Variants in CNTNAP2 observed in about 807,000 individuals in gnomAD.
CNTNAP2 encodes the protein contactin-associated protein-like 2.
A neutral mutation model predicts 155.2 loss-of-function variants in CNTNAP2; 98 were observed. That is an observed-to-expected ratio of 0.63 (90% CI 0.54 to 0.75). The LOEUF is 0.75. Ranked by LOEUF, CNTNAP2 falls within the 30% of genes least tolerant of loss-of-function variation. CNTNAP2 has a pLI of 0.00. For synonymous variants in CNTNAP2, 651 were observed against 631.2 expected, an observed-to-expected ratio of 1.03 and a Z score of -0.47; for missense variants, 1,727 against 1,688.1, an observed-to-expected ratio of 1.02 and a Z score of -0.40.
At position 148,220,282 on chromosome 7, in the gene CNTNAP2, T is replaced by C. The variant is rs551640144; in HGVS notation, c.3247+2758T>C. ...AACGCCCGGCTAATTTTTTGTAATTTTAGTAGAGATGGGGTTTCACCGTGT... is the reference window on the plus strand; with the variant it reads ...AACGCCCGGCTAATTTTTTGTAATTCTAGTAGAGATGGGGTTTCACCGTGT... On this transcript the variant is annotated intron_variant, in intron 19 of 23. Coordinates refer to ENST00000361727, the MANE Select transcript of CNTNAP2 (RefSeq NM_014141.6). Among the ~76,000 whole-genome samples, 5 of 152,268 alleles carry C rather than the reference T, an allele frequency of 3.3e-5. No homozygotes were observed. The South Asian group carries it at 1.0e-3, about 32-fold the overall frequency.
At chr7:147,691,106 G>A (rs558599850) in intron 13 of CNTNAP2, among the ~76,000 whole-genome samples, 3 of 152,068 alleles carry the variant, frequency 2.0e-5, no homozygotes, top group South Asian at 2.1e-4. Flanking sequence ...AGATATAAAT[G>A]ACTTAATCAT....
intron 23 of CNTNAP2, among the ~76,000 whole-genome samples, chr7:148,413,438 A>ATG (rs1799899387): frequency 3.6e-5 from 4 of 109,836 alleles, no homozygotes; most frequent in African/African-American, 1.1e-4. Context: ...ATATATATAT[A>ATG]TATATATATT....
intron 1 of CNTNAP2, among the ~76,000 whole-genome samples, chr7:146,418,762 T>C (rs533809094): frequency 4.4e-4 from 67 of 152,216 alleles, no homozygotes; most frequent in African/African-American, 1.6e-3. Context: ...CTGAAAGAAG[T>C]TGAAGTACAA....
chr7:147,997,505 G>A (rs965565579), intron 15 of CNTNAP2, among the ~76,000 whole-genome samples: 5 of 150,498 alleles, frequency 3.3e-5, no homozygotes, highest in East Asian at 2.0e-4. Context: ...GTGGTGAGCC[G>A]AGATCACGCC....
At chr7:147,240,869 A>G (rs1331721030) in intron 8 of CNTNAP2, among the ~76,000 whole-genome samples, 1 of 152,246 alleles carries the variant, frequency 6.6e-6, no homozygotes, top group Non-Finnish European at 1.5e-5. Context: ...ATTTAAACAT[A>G]CAGACATTTG....
chr7:146,151,671 T>C (rs1204474692), intron 1 of CNTNAP2, among the ~76,000 whole-genome samples: 13 of 39,378 alleles, frequency 3.3e-4, no homozygotes, highest in African/African-American at 1.3e-3. Flanking sequence ...TATATATATA[T>C]ATATATATAT....
chr7:146,571,317 T>A (rs1029805006), intron 1 of CNTNAP2, among the ~76,000 whole-genome samples: 3 of 152,102 alleles, frequency 2.0e-5, no homozygotes, highest in Non-Finnish European at 4.4e-5. Context: ...TGATAAAATA[T>A]TTCTTGAATG....
intron 12 of CNTNAP2, among the ~76,000 whole-genome samples, chr7:147,579,165 C>T (rs1322797750): frequency 6.6e-6 from 1 of 151,982 alleles, no homozygotes; most frequent in Non-Finnish European, 1.5e-5. Context: ...AAGCTTCATG[C>T]CAAGTACAAT....
intron 8 of CNTNAP2, among the ~76,000 whole-genome samples, chr7:147,254,976 A>T (rs1233578443): frequency 6.6e-6 from 1 of 152,196 alleles, no homozygotes; most frequent in East Asian, 1.9e-4. Flanking sequence ...TTTATTTCTA[A>T]GTTATAATTG....
intron 12 of CNTNAP2, among the ~76,000 whole-genome samples, chr7:147,637,040 G>C (rs1235508020): frequency 2.0e-5 from 3 of 152,114 alleles, no homozygotes; most frequent in Non-Finnish European, 4.4e-5. Flanking sequence ...GGTGCCAAAG[G>C]AGCAAGGAGG....
chr7:147,229,094 A>T (rs947706425), intron 8 of CNTNAP2, among the ~76,000 whole-genome samples: 2 of 152,094 alleles, frequency 1.3e-5, no homozygotes, highest in Non-Finnish European at 2.9e-5. Flanking sequence ...AAATCCTAAT[A>T]TGCAAATCTA....
At chr7:147,871,334 G>A (rs1238369879) in intron 13 of CNTNAP2, among the ~76,000 whole-genome samples, 1 of 152,160 alleles carries the variant, frequency 6.6e-6, no homozygotes, top group Non-Finnish European at 1.5e-5. Flanking sequence ...TGACCTGAAG[G>A]CCACATTCCT....
At chr7:146,294,996 T>C (rs930982048) in intron 1 of CNTNAP2, among the ~76,000 whole-genome samples, 1 of 152,212 alleles carries the variant, frequency 6.6e-6, no homozygotes, top group Non-Finnish European at 1.5e-5. Context: ...ATTTTATGTT[T>C]TCATCTACAT....
intron 1 of CNTNAP2, among the ~76,000 whole-genome samples, chr7:146,588,006 A>ATGTGTGTGTGTGTG (rs370352120): frequency 8.1e-5 from 12 of 148,822 alleles, no homozygotes; most frequent in South Asian, 2.1e-4. Flanking sequence ...CCGTGTGTGT[A>ATGTGTGTGTGTGTG]TGTGTGTGTG....
At chr7:146,705,085 A>G (rs1269335783) in intron 1 of CNTNAP2, among the ~76,000 whole-genome samples, 8 of 152,140 alleles carry the variant, frequency 5.3e-5, no homozygotes, top group Admixed American at 5.2e-4. Flanking sequence ...AGGTCATTTA[A>G]TGATTTTCAG....
intron 12 of CNTNAP2, among the ~76,000 whole-genome samples, chr7:147,608,646 T>C (rs958343317): frequency 2.0e-5 from 3 of 152,130 alleles, no homozygotes; most frequent in African/African-American, 7.2e-5. Flanking sequence ...TCATCATTGA[T>C]GATAATGAGA....
intron 20 of CNTNAP2, among the ~76,000 whole-genome samples, chr7:148,249,038 T>G (rs935504631): frequency 6.6e-6 from 1 of 152,224 alleles, no homozygotes; most frequent in African/African-American, 2.4e-5. Flanking sequence ...TGTTCAAGCC[T>G]TTGGCCCCTT....
At chr7:148,044,104 C>T (rs1432583272) in intron 15 of CNTNAP2, among the ~76,000 whole-genome samples, 1 of 151,368 alleles carries the variant, frequency 6.6e-6, no homozygotes, top group Non-Finnish European at 1.5e-5. Flanking sequence ...GGAGATAACA[C>T]GGTAAAAATG....
intron 16 of CNTNAP2, among the ~76,000 whole-genome samples, chr7:148,138,971 G>T (rs995006894): frequency 6.6e-6 from 1 of 152,146 alleles, no homozygotes; most frequent in East Asian, 1.9e-4. Flanking sequence ...GCATTTTAAA[G>T]ACAGCTTTCT....
Sources: gnomAD v4.1 joint callset for allele counts (sites outside exome capture counted in the v4.1 genomes callset) on GRCh38, gnomAD v4.1.1 for gene constraint, MANE v1.5 for transcripts, NCBI Gene and HGNC (gene_info 2026-07-23, HGNC 2026-07-21) for gene names.